Variants in SLCO3A1 observed in about 807,000 individuals in gnomAD.
SLCO3A1 encodes PGE1 transporter.
Under a neutral mutation model 63.1 loss-of-function variants are expected in SLCO3A1, and 27 were observed. The ratio of observed to expected loss-of-function variants is 0.43; its 90% confidence interval spans 0.32 to 0.59. SLCO3A1 has a LOEUF of 0.59. Among genes scored for constraint, SLCO3A1 ranks in the 20% least tolerant of loss-of-function variants. The pLI is 0.09. For missense variants in SLCO3A1, 773 were observed against 945.8 expected (o/e 0.82, Z 2.40); for synonymous variants, 473 against 409.9 (o/e 1.15, Z -1.86).
chr15:92,030,967 A>T (rs2046640009), intron 2 of SLCO3A1, among the ~76,000 whole-genome samples: 1 of 129,820 alleles, frequency 7.7e-6, no homozygotes, highest in African/African-American at 2.9e-5. Flanking sequence ...GAATTACATA[A>T]ATGCACCTGT....
chr15:92,065,640 C>T (rs1256786027), intron 2 of SLCO3A1, among the ~76,000 whole-genome samples: 1 of 152,114 alleles, frequency 6.6e-6, no homozygotes, highest in Non-Finnish European at 1.5e-5. Context: ...CTATTTCCTG[C>T]AGTAATTAAG....
At chr15:92,076,267 T>G (rs986835457) in intron 2 of SLCO3A1, among the ~76,000 whole-genome samples, 1 of 152,126 alleles carries the variant, frequency 6.6e-6, no homozygotes, top group Non-Finnish European at 1.5e-5. Flanking sequence ...AATGCATCGG[T>G]TGCGTGCAGC....
At chr15:92,091,059 C>T (rs2047468165) in intron 2 of SLCO3A1, among the ~76,000 whole-genome samples, 1 of 152,166 alleles carries the variant, frequency 6.6e-6, no homozygotes. Context: ...GTTAGAAAAC[C>T]TGGGCAATCC....
At chr15:92,135,365 A>C (rs897417020) in intron 7 of SLCO3A1, among the ~76,000 whole-genome samples, 8 of 152,128 alleles carry the variant, frequency 5.3e-5, no homozygotes, top group Non-Finnish European at 2.9e-5. Context: ...CTCACGCGCC[A>C]CAGGTTACCG....
intron 3 of SLCO3A1, among the ~76,000 whole-genome samples, chr15:92,096,496 A>G (rs2047540586): frequency 6.6e-6 from 1 of 152,158 alleles, no homozygotes; most frequent in Non-Finnish European, 1.5e-5. Context: ...GTGTCTGAAA[A>G]GGAACACTAT....
At position 91,916,932 on chromosome 15, in the gene SLCO3A1, C is replaced by A. The variant is rs1322258532; in HGVS notation, c.646+474C>A. On this transcript the variant is annotated intron_variant, in intron 2 of 9. Transcript: ENST00000318445. This position sits in a 1 kb window ranked among gnomAD's most constrained non-coding sequence, Gnocchi z 6.2. The stretch of plus-strand genomic sequence containing the variant: ...TGGCATCATTCGAAGTTGGTGACTT[C>A]CGGTAATTTTTTCAATAATGGAAGT... 6.6e-6 allele frequency among the ~76,000 whole-genome samples: 1 copy of A among 152,036 alleles called. No individual in the cohort carries two copies. Among genetic ancestry groups the A allele is most frequent in the East Asian group, 1.9e-4 (1 of 5,186 alleles).
At chr15:92,172,032 C>T in exon 11 of SLCO3A1, 1 of 600,520 alleles carries the variant, frequency 1.7e-6, no homozygotes, top group Non-Finnish European at 3.0e-6. Flanking sequence ...GTGATGAGGA[C>T]CAAAGAGGTG....
At chr15:92,087,580 G>A (rs1460015274) in intron 2 of SLCO3A1, among the ~76,000 whole-genome samples, 4 of 147,964 alleles carry the variant, frequency 2.7e-5, no homozygotes, top group Non-Finnish European at 3.0e-5. Context: ...GTGCAATGGC[G>A]CTATCTTGGC....
chr15:92,131,748 A>T (rs1030123725), intron 7 of SLCO3A1, among the ~76,000 whole-genome samples: 11 of 145,356 alleles, frequency 7.6e-5, no homozygotes, highest in African/African-American at 2.7e-4. Flanking sequence ...TGTTTCTCTT[A>T]TCTGCAGCAG....
intron 1 of SLCO3A1, among the ~76,000 whole-genome samples, chr15:91,914,264 T>C (rs867893030): frequency 2.0e-5 from 3 of 152,214 alleles, no homozygotes; most frequent in African/African-American, 7.2e-5. Context: ...ACTCCTGCCA[T>C]GTAGGAAGGG....
Position 91,853,721 on chromosome 15 carries a change from C to T in SLCO3A1, c.-188C>T. ...GAGGAGGAAGGGGCGATCGCGGCGG[C>T]GGCGGCGGCGGCGAGGAGCTGTGCC... is the stretch of plus-strand genomic sequence containing the variant. On this transcript the variant is annotated 5_prime_UTR_variant, in exon 1 of 10. Coordinates refer to ENST00000318445, the MANE Select transcript of SLCO3A1 (RefSeq NM_013272.4). 1 of 486,502 alleles carries T rather than the reference C, an allele frequency of 2.1e-6. No homozygotes were observed. Among genetic ancestry groups the T allele is most frequent in the Non-Finnish European group, 2.7e-6 (1 of 366,086 alleles). The allele number at this position is 486,502 out of a possible 1,614,324, so 30.1% of individuals were successfully genotyped here. A position where few individuals can be genotyped will look rare whatever the true frequency, so the allele number is the denominator to read the frequency against.
At chr15:92,066,015 T>C (rs1376727990) in intron 2 of SLCO3A1, among the ~76,000 whole-genome samples, 1 of 152,208 alleles carries the variant, frequency 6.6e-6, no homozygotes, top group Admixed American at 6.5e-5. Flanking sequence ...CGGGCAACAT[T>C]CACAAAGGTG....
At chr15:91,953,717 A>G (rs1208776382) in intron 2 of SLCO3A1, among the ~76,000 whole-genome samples, 1 of 152,100 alleles carries the variant, frequency 6.6e-6, no homozygotes. Flanking sequence ...TGGGGCTGGC[A>G]GGAGATTCCA....
chr15:91,967,792 G>T lies in SLCO3A1; in HGVS notation c.646+51334G>T, dbSNP rs1177866232. On this transcript the variant is annotated intron_variant, in intron 2 of 9. Transcript: ENST00000318445. The surrounding 1 kb of genome is among the most constrained non-coding windows in gnomAD (Gnocchi z 4.4). ...ACTTTTGGGGAACCACGAGGACGTAGTGGCAGGACTAAAGGTCAAGGTCAC... is the reference window on the plus strand; with the variant it reads ...ACTTTTGGGGAACCACGAGGACGTATTGGCAGGACTAAAGGTCAAGGTCAC... Among the ~76,000 whole-genome samples the T allele has an allele frequency of 6.6e-6, 1 of 152,166 alleles. No homozygotes were observed. The highest frequency in any genetic ancestry group is 1.5e-5 in the Non-Finnish European group (1 of 68,024).
rs1173729192 is a variant in SLCO3A1 at position 92,047,008 on chromosome 15, A to AAT, written c.647-47863_647-47862dup. 8.1e-4 allele frequency among the ~76,000 whole-genome samples: 69 copies of AAT among 85,432 alleles called. 6 individuals carry two copies. Among genetic ancestry groups the AAT allele is most frequent in the African/African-American group, 3.1e-3 (67 of 21,900 alleles). 56.0% of individuals were successfully genotyped at this position (85,432 alleles called of 152,430 possible). ...ATGTATATATAAATATATATATATA[A>AAT]ATATATATATAATATATAAATATAT... On this transcript the variant is annotated intron_variant, in intron 2 of 9. Transcript: ENST00000318445.
chr15:91,881,224 G>C (rs1257817872), intron 1 of SLCO3A1, among the ~76,000 whole-genome samples: 1 of 152,124 alleles, frequency 6.6e-6, no homozygotes, highest in Non-Finnish European at 1.5e-5. Flanking sequence ...TTCTAGGACA[G>C]GAAGCAGAGG....
chr15:91,978,099 C>T (rs1441346808), intron 2 of SLCO3A1, among the ~76,000 whole-genome samples: 1 of 152,206 alleles, frequency 6.6e-6, no homozygotes, highest in Non-Finnish European at 1.5e-5. Context: ...TTTCTCCCAT[C>T]ACCCATTTCT....
At chr15:91,871,658 A>G (rs1185938070) in intron 1 of SLCO3A1, among the ~76,000 whole-genome samples, 1 of 151,018 alleles carries the variant, frequency 6.6e-6, no homozygotes, top group East Asian at 1.9e-4. Flanking sequence ...AGGGTGTTTG[A>G]CTCAGGGCTC....
At chr15:91,928,523 C>T (rs781164552) in intron 2 of SLCO3A1, among the ~76,000 whole-genome samples, 19 of 152,174 alleles carry the variant, frequency 1.2e-4, no homozygotes, top group Non-Finnish European at 2.2e-4. Context: ...GGCATGATTA[C>T]ATCCACACCA....
Sources: gnomAD v4.1 joint callset for allele counts (sites outside exome capture counted in the v4.1 genomes callset) on GRCh38, gnomAD v4.1.1 for gene constraint, Gnocchi (gnomAD v3.1) non-coding constraint, MANE v1.5 for transcripts, NCBI Gene and HGNC (gene_info 2026-07-23, HGNC 2026-07-21) for gene names.